The following HYDIN variants were observed in gnomAD, a reference collection of about 807,000 sequenced individuals.
The protein encoded by HYDIN is HYDIN axonemal central pair apparatus protein, also known as axonemal central pair apparatus protein HYDIN.
A neutral mutation model predicts 403.9 loss-of-function variants in HYDIN; 132 were observed. The observed-to-expected ratio is 0.33, with a 90% confidence interval of 0.28 to 0.38. The LOEUF (loss-of-function observed/expected upper bound fraction) is 0.38. Among genes scored for constraint, HYDIN ranks in the 10% least tolerant of loss-of-function variants. The pLI is 1.00. For synonymous variants in HYDIN, 1,202 were observed against 1,891.7 expected (o/e 0.64, Z 9.46); for missense variants, 2,827 against 5,009.5 (o/e 0.56, Z 13.15).
intron 8 of HYDIN, chr16:71,133,330 T>A (rs1255148023): frequency 8.8e-6 from 4 of 453,164 alleles, no homozygotes; most frequent in South Asian, 6.3e-5. Flanking sequence ...TTAGCAACTC[T>A]GTGATCAATG....
intron 42 of HYDIN, among the ~76,000 whole-genome samples, chr16:70,942,804 C>G (rs1193546518): frequency 2.8e-4 from 43 of 152,198 alleles, no homozygotes; most frequent in South Asian, 2.1e-4. Context: ...GTAAGCTCCA[C>G]GTGTCATCAG....
At chr16:71,095,247 C>A (rs1034848082) in intron 10 of HYDIN, among the ~76,000 whole-genome samples, 1 of 148,138 alleles carries the variant, frequency 6.8e-6, no homozygotes, top group African/African-American at 2.5e-5. Flanking sequence ...GGGTTTTGAT[C>A]TTTCAGGAAC....
At chr16:71,207,586 T>C (rs562743304) in intron 1 of HYDIN, among the ~76,000 whole-genome samples, 2 of 152,334 alleles carry the variant, frequency 1.3e-5, no homozygotes, top group Admixed American at 6.5e-5. Flanking sequence ...TAACCTTGAA[T>C]GTAACTGGGC....
At chr16:71,157,524 A>G (rs1485856671) in intron 6 of HYDIN, among the ~76,000 whole-genome samples, 3 of 150,442 alleles carry the variant, frequency 2.0e-5, no homozygotes, top group Non-Finnish European at 4.5e-5. Flanking sequence ...CACAAATTCA[A>G]CCACATTCTT....
chr16:71,094,514 AAGAT>A (rs760495264), intron 10 of HYDIN, among the ~76,000 whole-genome samples: 7 of 151,810 alleles, frequency 4.6e-5, no homozygotes, highest in Non-Finnish European at 7.4e-5. Flanking sequence ...GTCTTTTGAG[AAGAT>A]AGATCAAAAA....
intron 13 of HYDIN, among the ~76,000 whole-genome samples, chr16:71,078,058 C>G (rs574239549): frequency 6.8e-6 from 1 of 148,000 alleles, no homozygotes; most frequent in Non-Finnish European, 1.5e-5. Context: ...TTTAAAAATG[C>G]ATCTCTATGC....
Position 70,850,754 on chromosome 16 carries a change from A to G in HYDIN, c.12444-99T>C, listed in dbSNP as rs1461679021. 3.0e-5 allele frequency: 35 copies of G among 1,168,688 alleles called. 1 individual carries two copies. Among genetic ancestry groups the G allele is most frequent in the Non-Finnish European group, 4.1e-5 (34 of 831,408 alleles). 72.4% of individuals were successfully genotyped at this position (1,168,688 alleles called of 1,614,324 possible). A position where few individuals can be genotyped will look rare whatever the true frequency, so the allele number is the denominator to read the frequency against. On this transcript the variant is annotated intron_variant, in intron 73 of 85. Coordinates refer to ENST00000393567, the MANE Select transcript of HYDIN (RefSeq NM_001270974.2). ...GAATTAGCAGATTCACTACGAGGAA[A>G]AGGAAACTCCAAATTATGATGACAT...
chr16:70,943,249 G>A (rs572541705), intron 42 of HYDIN, among the ~76,000 whole-genome samples: 109 of 152,242 alleles, frequency 7.2e-4, no homozygotes, highest in Non-Finnish European at 1.3e-3. Flanking sequence ...TAGAAAGAGT[G>A]TTACTGTTTT....
At chr16:70,906,379 G>A (rs1013167217) in intron 50 of HYDIN, among the ~76,000 whole-genome samples, 12 of 151,726 alleles carry the variant, frequency 7.9e-5, no homozygotes, top group African/African-American at 2.4e-4. Context: ...ACATGATTGC[G>A]TAGGAGTCTC....
intron 7 of HYDIN, 48 bp from the exon 8 acceptor site, chr16:71,137,400 T>A: frequency 1.7e-6 from 1 of 576,524 alleles, no homozygotes; most frequent in Non-Finnish European, 3.1e-6. Context: ...ATTCTAAAAT[T>A]ACACACCTAG....
intron 5 of HYDIN, among the ~76,000 whole-genome samples, chr16:71,170,100 T>C (rs1002496787): frequency 6.6e-6 from 1 of 152,178 alleles, no homozygotes; most frequent in African/African-American, 2.4e-5. Context: ...GGTCCTAAAA[T>C]GTAAGTCAGA....
chr16:71,067,022 G>A (rs1481658154), intron 15 of HYDIN: 2 of 656,610 alleles, frequency 3.0e-6, no homozygotes, highest in African/African-American at 1.8e-5. Context: ...AGTCAAACCC[G>A]TTAGAGAGGG....
intron 1 of HYDIN, among the ~76,000 whole-genome samples, chr16:71,192,161 C>T (rs1264303113): frequency 6.6e-6 from 1 of 152,124 alleles, no homozygotes; most frequent in Non-Finnish European, 1.5e-5. Flanking sequence ...GTCCCAGAGT[C>T]CACACTTTTG....
At chr16:71,000,303 G>T (rs576299348) in intron 23 of HYDIN, among the ~76,000 whole-genome samples, 2 of 149,074 alleles carry the variant, frequency 1.3e-5, no homozygotes, top group Admixed American at 1.3e-4. Context: ...TGGAAACATC[G>T]GGAAAATGCC....
At chr16:70,875,553 A>C (rs2040394127) in intron 62 of HYDIN, among the ~76,000 whole-genome samples, 1 of 152,220 alleles carries the variant, frequency 6.6e-6, no homozygotes, top group Non-Finnish European at 1.5e-5. Flanking sequence ...AGATTGAATA[A>C]TACAAAATAT....
At chr16:71,223,147 C>A (rs1287893809) in intron 1 of HYDIN, among the ~76,000 whole-genome samples, 2 of 152,076 alleles carry the variant, frequency 1.3e-5, no homozygotes, top group African/African-American at 4.8e-5. Flanking sequence ...TAGAACAGAA[C>A]AGAGTACCCA....
At chr16:71,150,432 T>C (rs938789332) in intron 7 of HYDIN, among the ~76,000 whole-genome samples, 6 of 151,738 alleles carry the variant, frequency 4.0e-5, no homozygotes, top group South Asian at 2.1e-4. Context: ...AGTGCAATAA[T>C]AGATTAAGTA....
At chr16:70,871,303 C>G (rs1347825119) in intron 65 of HYDIN, among the ~76,000 whole-genome samples, 1 of 152,134 alleles carries the variant, frequency 6.6e-6, no homozygotes, top group African/African-American at 2.4e-5. Context: ...GCTCCATCCC[C>G]CTCGAGTACT....
rs201896117 is a variant in HYDIN, at chr16:70,907,475, G to A, written c.8413C>T (p.Arg2805Trp). Reference protein sequence around the residue: ...CQDPKVVFPQRKMDMKTNEVI... With the variant: ...CQDPKVVFPQWKMDMKTNEVI... The stretch of plus-strand genomic sequence containing the variant: ...TCATTTGTCTTCATGTCCATCTTCC[G>A]CTGAGGAAATACCACTCTGAACACA... Residue 2805 changes from arginine (R) to tryptophan (W), a missense_variant, in exon 50 of 86, where the codon CGG becomes TGG. By Grantham distance (101) the Arg-to-Trp change is moderately radical. Coordinates refer to ENST00000393567, the MANE Select transcript of HYDIN (RefSeq NM_001270974.2). The A allele has an allele frequency of 1.9e-5, 11 of 585,094 alleles. No individual in the cohort carries two copies. The highest frequency in any genetic ancestry group is 3.1e-5 in the Admixed American group (1 of 32,274). 36.2% of individuals were successfully genotyped at this position (585,094 alleles called of 1,614,324 possible). A position where few individuals can be genotyped will look rare whatever the true frequency, so the allele number is the denominator to read the frequency against.
Sources: gnomAD v4.1 joint callset for allele counts (sites outside exome capture counted in the v4.1 genomes callset) on GRCh38, gnomAD v4.1.1 for gene constraint, MANE v1.5 for transcripts, NCBI Gene and HGNC (gene_info 2026-07-23, HGNC 2026-07-21) for gene names.